The following P2RY6 variants were observed in gnomAD, a reference collection of about 807,000 sequenced individuals.
The protein encoded by P2RY6 is pyrimidinergic receptor P2Y6.
Under a neutral mutation model 16.3 loss-of-function variants are expected in P2RY6, and 19 were observed. The ratio of observed to expected loss-of-function variants is 1.16; its 90% CI spans 0.81 to 1.71. P2RY6 has a LOEUF of 1.71. P2RY6 is among the 40% of genes most tolerant of loss of function. P2RY6 has a pLI of 0.00. For synonymous variants in P2RY6, 184 were observed against 201.5 expected, an observed-to-expected ratio of 0.91 and a Z score of 0.74; for missense variants, 389 against 455.5, an observed-to-expected ratio of 0.85 and a Z score of 1.33.
chr11:73,287,370 C>G (rs965582902), intron 1 of P2RY6, among the ~76,000 whole-genome samples: 13 of 152,238 alleles, frequency 8.5e-5, no homozygotes, highest in Non-Finnish European at 1.6e-4. Flanking sequence ...CAGTTACAGG[C>G]CTGAGGGGCC....
chr11:73,268,193 T>G (rs1591657816), upstream of P2RY6, among the ~76,000 whole-genome samples: 1 of 152,350 alleles, frequency 6.6e-6, no homozygotes, highest in Admixed American at 6.5e-5. Flanking sequence ...CACAGGCATG[T>G]GCTCCTTACA....
chr11:73,271,338 A>G (rs1208609955), upstream of P2RY6, among the ~76,000 whole-genome samples: 1 of 152,138 alleles, frequency 6.6e-6, no homozygotes, highest in Non-Finnish European at 1.5e-5. Flanking sequence ...CCCTTCAGAC[A>G]CTGAGATAGT....
intron 1 of P2RY6, among the ~76,000 whole-genome samples, chr11:73,276,172 A>T (rs1255998264): frequency 6.6e-6 from 1 of 152,246 alleles, no homozygotes; most frequent in Non-Finnish European, 1.5e-5. Context: ...CCACAATATG[A>T]TACCACTTTA....
At chr11:73,272,327 G>T, upstream of P2RY6, 1 of 985,450 alleles carries the variant, frequency 1.0e-6, no homozygotes, top group Admixed American at 6.1e-5. Context: ...TTCCTCATCT[G>T]CTGCCTCTCC....
chr11:73,268,766 GCCT>G (rs1403307550), upstream of P2RY6, among the ~76,000 whole-genome samples: 6 of 152,242 alleles, frequency 3.9e-5, no homozygotes, highest in East Asian at 1.2e-3. Flanking sequence ...GGGCTAGGCA[GCCT>G]CCTGTTTCAG....
intron 1 of P2RY6, among the ~76,000 whole-genome samples, chr11:73,278,708 T>C (rs955514559): frequency 3.3e-5 from 5 of 152,376 alleles, no homozygotes; most frequent in Admixed American, 3.3e-4. Flanking sequence ...ATTTCATTTT[T>C]TAAGGCTGAA....
intron 2 of P2RY6, among the ~76,000 whole-genome samples, chr11:73,296,233 AATATATAT>A (rs1554992362): frequency 4.2e-4 from 52 of 124,492 alleles, no homozygotes; most frequent in African/African-American, 1.7e-3. Flanking sequence ...GAAAAAAAAA[AATATATAT>A]ATATATATAT....
intron 1 of P2RY6, among the ~76,000 whole-genome samples, chr11:73,292,271 T>A (rs2135749492): frequency 6.6e-6 from 1 of 152,208 alleles, no homozygotes; most frequent in South Asian, 2.1e-4. Context: ...GATAAGTGTG[T>A]GTGGAGAAAA....
rs187000528 is a variant in P2RY6, at chr11:73,288,234, C to T, written c.-120-7496C>T. On this transcript the variant is annotated intron_variant, in intron 1 of 2. Transcript: ENST00000540124. ...TGGTGGGACTTGTGGGTGCACTCTT[C>T]GGCAACTGGGGCCCCTCATACATAG... Among the ~76,000 whole-genome samples, 154 of 152,282 alleles carry T rather than the reference C, an allele frequency of 1.0e-3. 2 individuals carry two copies. The highest frequency in any genetic ancestry group is 3.3e-3 in the African/African-American group (136 of 41,548).
upstream of P2RY6, chr11:73,269,756 C>T (rs1372783755): frequency 2.6e-4 from 40 of 152,296 alleles, no homozygotes; most frequent in Non-Finnish European, 4.4e-5. Context: ...TGTCCTCCCC[C>T]AGCCTGGGGG....
chr11:73,273,730 A>G (rs1339018747), intron 1 of P2RY6, among the ~76,000 whole-genome samples: 1 of 152,100 alleles, frequency 6.6e-6, no homozygotes, highest in African/African-American at 2.4e-5. Context: ...CTGTTCTGCC[A>G]GAAGCTTGCC....
upstream of P2RY6, chr11:73,271,598 T>A (rs568397966): frequency 2.0e-5 from 3 of 152,266 alleles, no homozygotes; most frequent in South Asian, 2.1e-4. Context: ...AATCTATAGA[T>A]AACAACAGCT....
At chr11:73,280,333 G>A (rs1214129441) in intron 1 of P2RY6, among the ~76,000 whole-genome samples, 1 of 152,076 alleles carries the variant, frequency 6.6e-6, no homozygotes, top group Non-Finnish European at 1.5e-5. Flanking sequence ...GGATTAAATG[G>A]GGCAATGCAC....
At chr11:73,273,808 A>G (rs1863418852) in intron 1 of P2RY6, among the ~76,000 whole-genome samples, 1 of 151,986 alleles carries the variant, frequency 6.6e-6, no homozygotes, top group Non-Finnish European at 1.5e-5. Context: ...CTGTTTTCAC[A>G]CCACTGTCCC....
upstream of P2RY6, among the ~76,000 whole-genome samples, chr11:73,270,664 G>C (rs917961952): frequency 6.6e-6 from 1 of 152,202 alleles, no homozygotes; most frequent in South Asian, 2.1e-4. Context: ...CTTCCCCAGG[G>C]CTGGGAGTGG....
upstream of P2RY6, chr11:73,270,038 G>A (rs945393063): frequency 2.0e-5 from 3 of 152,232 alleles, no homozygotes; most frequent in African/African-American, 7.2e-5. Context: ...GGCCCCACAG[G>A]ATGAGGGGCT....
chr11:73,278,133 A>G (rs1863615959), intron 1 of P2RY6, among the ~76,000 whole-genome samples: 1 of 151,286 alleles, frequency 6.6e-6, no homozygotes, highest in Non-Finnish European at 1.5e-5. Context: ...ACCACCATGC[A>G]TCTCCAGGAC....
chr11:73,290,307 G>GAAAGAAAGAAAGAAAGAAAGA (rs1565170535), intron 1 of P2RY6, among the ~76,000 whole-genome samples: 13 of 41,924 alleles, frequency 3.1e-4, no homozygotes, highest in Middle Eastern at 0.01. Flanking sequence ...AGAAAGAAAA[G>GAAAGAAAGAAAGAAAGAAAGA]AAAGAAAGAA....
rs188937496 is a variant in P2RY6 at position 73,286,210 on chromosome 11, G to T, written c.-120-9520G>T. Among the ~76,000 whole-genome samples the T allele has an allele frequency of 4.6e-5, 7 of 152,242 alleles. No individual in the cohort carries two copies. The East Asian group carries it at 1.4e-3, about 29-fold the overall frequency. ...TCAGAGGCCTGTCATTGACCCCTGGGTCCAGCTGGACGTCTTATCACTGCC... is the reference window on the plus strand; with the variant it reads ...TCAGAGGCCTGTCATTGACCCCTGGTTCCAGCTGGACGTCTTATCACTGCC... On this transcript the variant is annotated intron_variant, in intron 1 of 2. Coordinates refer to ENST00000540124, the MANE Select transcript of P2RY6 (RefSeq NM_001277204.2).
Sources: allele counts gnomAD v4.1 joint callset (sites outside exome capture counted in the v4.1 genomes callset), GRCh38; gene constraint gnomAD v4.1.1; transcripts MANE v1.5; gene names NCBI Gene and HGNC (gene_info 2026-07-23, HGNC 2026-07-21).